ATP1B3: variants seen among roughly 807,000 people sequenced by gnomAD.
ATP1B3 encodes the protein ATPase Na+/K+ transporting subunit beta 3.
In ATP1B3, 10 loss-of-function variants were observed where a neutral mutation model predicts 30.2. The observed-to-expected ratio is 0.33, with a 90% CI of 0.20 to 0.56. The LOEUF (loss-of-function observed/expected upper bound fraction) is 0.56. Among genes scored for constraint, ATP1B3 ranks in the 20% least tolerant of loss-of-function variants. The pLI, the probability that ATP1B3 is intolerant of heterozygous loss-of-function variation, is 0.90. For synonymous variants in ATP1B3, 113 were observed against 117.0 expected (o/e 0.97, Z 0.22); for missense variants, 238 against 336.7 (o/e 0.71, Z 2.29).
In ATP1B3 at chr3:141,911,816, C is replaced by T. The variant is rs142026633; in HGVS notation, c.347-1836C>T. 3.0e-3 allele frequency among the ~76,000 whole-genome samples: 452 copies of T among 152,094 alleles called. 2 individuals are homozygous for T. The highest frequency in any genetic ancestry group is 5.3e-3 in the Non-Finnish European group (358 of 67,964). On this transcript the variant is annotated intron_variant, in intron 3 of 6. Coordinates refer to ENST00000286371, the MANE Select transcript of ATP1B3 (RefSeq NM_001679.4). ...GGCCTTTGGTCTTTCTTATTTTAGG[C>T]GTTCTTCAGATGCATAGGGCTCCTT...
At chr3:141,904,553 G>T (rs1158221024) in intron 2 of ATP1B3, among the ~76,000 whole-genome samples, 1 of 151,914 alleles carries the variant, frequency 6.6e-6, no homozygotes, top group African/African-American at 2.4e-5. Context: ...ATACCTCATA[G>T]AGAACAAAAT....
In ATP1B3 at chr3:141,920,452, G is replaced by A. The variant is rs146786312; in HGVS notation, c.583-1525G>A. On this transcript the variant is annotated intron_variant, in intron 5 of 6. Transcript: ENST00000286371. ...TGAGACAGGAGAATCGCTTGAACCC[G>A]GGAGGAGGAGGCTGCAGTGAGCCAA... Among the ~76,000 whole-genome samples the A allele has an allele frequency of 5.7e-3, 870 of 152,090 alleles. 7 individuals are homozygous for A. Among genetic ancestry groups the A allele is most frequent in the African/African-American group, 0.02 (828 of 41,492 alleles).
chr3:141,925,483 T>C, intron 6 of ATP1B3, 48 bp from the exon 7 acceptor site: 1 of 1,539,554 alleles, frequency 6.5e-7, no homozygotes, highest in Non-Finnish European at 8.7e-7. Context: ...GAGAGAAGTA[T>C]TAAGTTTCCA....
At chr3:141,893,076 G>T (rs1418537039) in intron 1 of ATP1B3, among the ~76,000 whole-genome samples, 1 of 151,986 alleles carries the variant, frequency 6.6e-6, no homozygotes, top group East Asian at 1.9e-4. Flanking sequence ...TTGGTTCACT[G>T]CAGCCTCCAC....
chr3:141,924,204 C>CT (rs1934614270), intron 6 of ATP1B3, among the ~76,000 whole-genome samples: 1 of 151,600 alleles, frequency 6.6e-6, no homozygotes, highest in African/African-American at 2.4e-5. Flanking sequence ...ATTAGCTGAC[C>CT]GTGGTGGCAC....
intron 1 of ATP1B3, among the ~76,000 whole-genome samples, chr3:141,880,728 T>C (rs2107926081): frequency 6.6e-6 from 1 of 152,310 alleles, no homozygotes; most frequent in South Asian, 2.1e-4. Context: ...TACCCCAGTG[T>C]AAACTGTATT....
At chr3:141,913,159 T>TAA (rs1276845695) in intron 3 of ATP1B3, among the ~76,000 whole-genome samples, 1 of 152,052 alleles carries the variant, frequency 6.6e-6, no homozygotes, top group Non-Finnish European at 1.5e-5. Context: ...TCTCCTAGCT[T>TAA]CATTAACTCC....
chr3:141,902,139 C>T (rs1411326130), intron 1 of ATP1B3: 3 of 1,289,618 alleles, frequency 2.3e-6, no homozygotes, highest in South Asian at 2.5e-5. Context: ...GCAACAGGAT[C>T]GCAGTATGTG....
At chr3:141,914,631 A>G (rs953429856) in intron 4 of ATP1B3, among the ~76,000 whole-genome samples, 5 of 152,236 alleles carry the variant, frequency 3.3e-5, no homozygotes, top group Non-Finnish European at 7.3e-5. Flanking sequence ...GAGTGAAGTC[A>G]TTCATGGTCA....
chr3:141,890,093 T>TC (rs1933915616), intron 1 of ATP1B3, among the ~76,000 whole-genome samples: 2 of 59,912 alleles, frequency 3.3e-5, no homozygotes, highest in African/African-American at 1.3e-4. Flanking sequence ...TTTCTTTTTT[T>TC]TTTTTTTTTT....
At chr3:141,918,297 G>A (rs1224458069) in intron 5 of ATP1B3, 2 of 152,218 alleles carry the variant, frequency 1.3e-5, no homozygotes, top group Non-Finnish European at 2.9e-5. Context: ...GTATACAGGA[G>A]CCTGTGAGCA....
Position 141,925,740 on chromosome 3 carries a change from T to C in ATP1B3, c.*39T>C. 1 of 1,581,798 alleles carries C rather than the reference T, an allele frequency of 6.3e-7. No individual in the cohort carries two copies. Among genetic ancestry groups the C allele is most frequent in the East Asian group, 2.2e-5 (1 of 44,694 alleles). Reference sequence around the variant, plus strand: ...TCTCCACAGAGTAAATGTTGTGTTGTCTGTCTTCATTTTGTAACAGCTGGA... The same window carrying C: ...TCTCCACAGAGTAAATGTTGTGTTGCCTGTCTTCATTTTGTAACAGCTGGA... On this transcript the variant is annotated 3_prime_UTR_variant, in exon 7 of 7. Coordinates refer to ENST00000286371, the MANE Select transcript of ATP1B3 (RefSeq NM_001679.4).
intron 1 of ATP1B3, among the ~76,000 whole-genome samples, chr3:141,882,188 T>A (rs748313083): frequency 2.0e-5 from 3 of 152,214 alleles, no homozygotes; most frequent in Non-Finnish European, 4.4e-5. Flanking sequence ...GACCAGTCAT[T>A]TAACACTGAT....
In ATP1B3 at chr3:141,926,305, A is replaced by G. The variant is rs1367064488; in HGVS notation, c.*604A>G. 6.7e-6 allele frequency: 1 copy of G among 150,024 alleles called. No homozygotes were observed. The highest frequency in any genetic ancestry group is 2.5e-5 in the African/African-American group (1 of 40,744). The allele number at this position is 150,024 out of a possible 1,614,324, so 9.3% of individuals were successfully genotyped here. ...TTTTGTAAAACATGTAAAAAAAAAA[A>G]CTGGGATTAATTTTTAGTGTTGGAA... On this transcript the variant is annotated 3_prime_UTR_variant, in exon 7 of 7. Coordinates refer to ENST00000286371, the MANE Select transcript of ATP1B3 (RefSeq NM_001679.4).
chr3:141,877,060 GC>G, intron 1 of ATP1B3, 150 bp downstream of exon 1: 1 of 434,174 alleles, frequency 2.3e-6, no homozygotes, highest in Non-Finnish European at 3.8e-6. Context: ...GCGCAGTGCG[GC>G]CCCATTCATT....
chr3:141,910,437 T>C (rs1036854573), intron 3 of ATP1B3, among the ~76,000 whole-genome samples: 3 of 152,152 alleles, frequency 2.0e-5, no homozygotes, highest in Non-Finnish European at 4.4e-5. Flanking sequence ...ATCACTTTTA[T>C]ACATTTTCTT....
chr3:141,908,527 T>C (rs1269733921), intron 3 of ATP1B3, among the ~76,000 whole-genome samples: 1 of 152,216 alleles, frequency 6.6e-6, no homozygotes, highest in African/African-American at 2.4e-5. Flanking sequence ...TCAGTCTTCA[T>C]GTCACACCCT....
intron 1 of ATP1B3, among the ~76,000 whole-genome samples, chr3:141,887,464 A>G (rs1276178928): frequency 2.0e-5 from 3 of 152,204 alleles, no homozygotes; most frequent in Non-Finnish European, 4.4e-5. Flanking sequence ...AATGCTTTTT[A>G]AAAGGTAATA....
Position 141,913,841 on chromosome 3 carries a change from G to A in ATP1B3, c.531+5G>A, listed in dbSNP as rs1469530769. The A allele has an allele frequency of 1.3e-6, 2 of 1,596,516 alleles. No homozygotes were observed. Among genetic ancestry groups the A allele is most frequent in the Non-Finnish European group, 1.7e-6 (2 of 1,173,472 alleles). ...ATTCTTGTGAAAATGAACAGAGTAC[G>A]TACATATTTTACCTCTGCTGCTGCT... On this transcript the variant is annotated splice_donor_5th_base_variant and intron_variant, in intron 4 of 6. Transcript: ENST00000286371.
Sources: allele counts gnomAD v4.1 joint callset (sites outside exome capture counted in the v4.1 genomes callset), GRCh38; gene constraint gnomAD v4.1.1; transcripts MANE v1.5; gene names NCBI Gene and HGNC (gene_info 2026-07-23, HGNC 2026-07-21).